GABRB3: variants seen among roughly 807,000 people sequenced by gnomAD.
The protein encoded by GABRB3 is gamma-aminobutyric acid receptor subunit beta-3.
A neutral mutation model predicts 52.1 loss-of-function variants in GABRB3; 14 were observed. That is an observed-to-expected ratio of 0.27 (90% confidence interval 0.18 to 0.42). GABRB3 has a LOEUF of 0.42. Ranked by LOEUF, GABRB3 falls within the 10% of genes least tolerant of loss-of-function variation. GABRB3 has a pLI of 1.00. For synonymous variants in GABRB3, 260 were observed against 232.3 expected, an observed-to-expected ratio of 1.12 and a Z score of -1.08; for missense variants, 307 against 609.1, an observed-to-expected ratio of 0.50 and a Z score of 5.22.
intron 7 of GABRB3, 129 bp from the exon 8 acceptor site, chr15:26,561,305 C>G: frequency 7.7e-7 from 1 of 1,294,180 alleles, no homozygotes; most frequent in South Asian, 1.2e-5. Flanking sequence ...TGTGGGGTGA[C>G]TGGAATGCAA....
At chr15:26,759,165 T>A (rs2140180980) in intron 3 of GABRB3, among the ~76,000 whole-genome samples, 1 of 152,316 alleles carries the variant, frequency 6.6e-6, no homozygotes, top group Non-Finnish European at 1.5e-5. Flanking sequence ...AGTCTTCATC[T>A]CTACACCTGC....
intron 3 of GABRB3, among the ~76,000 whole-genome samples, chr15:26,736,719 G>C (rs117304288): frequency 0.02 from 2,980 of 152,336 alleles, 42 homozygotes; most frequent in Middle Eastern, 0.078. Context: ...GAATTCGCTA[G>C]AATGTGTTCC....
intron 3 of GABRB3, among the ~76,000 whole-genome samples, chr15:26,744,320 CT>C (rs1316336929): frequency 6.6e-6 from 1 of 152,088 alleles, no homozygotes; most frequent in Non-Finnish European, 1.5e-5. Context: ...ACTCCCATGC[CT>C]TTTGGTTTTG....
chr15:26,735,695 C>A (rs1413013195), intron 3 of GABRB3, among the ~76,000 whole-genome samples: 1 of 152,112 alleles, frequency 6.6e-6, no homozygotes, highest in Non-Finnish European at 1.5e-5. Context: ...ATGTCTGTAA[C>A]CCCAGCACTT....
chr15:26,742,213 G>A (rs983755031), intron 3 of GABRB3, among the ~76,000 whole-genome samples: 2 of 152,030 alleles, frequency 1.3e-5, no homozygotes, highest in African/African-American at 2.4e-5. Flanking sequence ...ATCTCTTAGA[G>A]TTTGCCTCTT....
intron 3 of GABRB3, among the ~76,000 whole-genome samples, chr15:26,696,986 T>A (rs1315388834): frequency 6.6e-6 from 1 of 152,200 alleles, no homozygotes; most frequent in African/African-American, 2.4e-5. Context: ...TTTAGGGAAT[T>A]TTTTTAAAAG....
intron 8 of GABRB3, among the ~76,000 whole-genome samples, chr15:26,548,496 A>T (rs940218902): frequency 6.6e-6 from 1 of 152,176 alleles, no homozygotes; most frequent in Admixed American, 6.5e-5. Flanking sequence ...CTATACTTTG[A>T]ATAAAAACTA....
At chr15:26,628,911 G>A (rs1211693095) in intron 3 of GABRB3, 1 of 1,445,558 alleles carries the variant, frequency 6.9e-7, no homozygotes, top group African/African-American at 1.4e-5. Flanking sequence ...GGAGGTGTGG[G>A]GGAGTCAGGT....
At chr15:26,560,819 G>T in intron 8 of GABRB3, 113 bp downstream of exon 8, 2 of 1,448,120 alleles carry the variant, frequency 1.4e-6, no homozygotes, top group Non-Finnish European at 1.9e-6. Flanking sequence ...TACAAGAAGG[G>T]TGTGTGGCTT....
chr15:26,619,956 T>A (rs917861896), intron 4 of GABRB3, among the ~76,000 whole-genome samples: 1 of 131,622 alleles, frequency 7.6e-6, no homozygotes, highest in African/African-American at 3.0e-5. Context: ...CACCCAAAAC[T>A]CAACACACAC....
At chr15:26,589,666 C>G (rs931735199) in intron 4 of GABRB3, among the ~76,000 whole-genome samples, 4 of 152,088 alleles carry the variant, frequency 2.6e-5, no homozygotes, top group Non-Finnish European at 4.4e-5. Context: ...ACCTACAAAT[C>G]AGAATGTCCA....
intron 3 of GABRB3, among the ~76,000 whole-genome samples, chr15:26,672,247 G>A (rs1464901344): frequency 6.6e-6 from 1 of 152,044 alleles, no homozygotes; most frequent in Non-Finnish European, 1.5e-5. Context: ...CCCAGAAAAG[G>A]GACCCTTCAA....
At chr15:26,748,350 A>T (rs78197431) in intron 3 of GABRB3, among the ~76,000 whole-genome samples, 1,920 of 152,200 alleles carry the variant, frequency 0.013, 50 homozygotes, top group African/African-American at 0.042. Context: ...GGGCCCAGAG[A>T]TTTCTTTTTT....
At chr15:26,694,456 G>C (rs2140669214) in intron 3 of GABRB3, among the ~76,000 whole-genome samples, 1 of 152,304 alleles carries the variant, frequency 6.6e-6, no homozygotes, top group Non-Finnish European at 1.5e-5. Flanking sequence ...TTCTATTTAA[G>C]AAGGAACGTC....
intron 3 of GABRB3, among the ~76,000 whole-genome samples, chr15:26,631,761 T>A (rs1892919285): frequency 6.6e-6 from 1 of 152,192 alleles, no homozygotes; most frequent in Non-Finnish European, 1.5e-5. Context: ...ATATCTAACA[T>A]CACAACCAAC....
intron 3 of GABRB3, chr15:26,657,281 G>T (rs1270557084): frequency 6.6e-6 from 1 of 152,230 alleles, no homozygotes; most frequent in Non-Finnish European, 1.5e-5. Flanking sequence ...AATGGTGAGT[G>T]GCTTCTCGTC....
chr15:26,566,696 C>T (rs961255382), intron 7 of GABRB3, among the ~76,000 whole-genome samples: 2 of 152,042 alleles, frequency 1.3e-5, no homozygotes, highest in African/African-American at 4.8e-5. Flanking sequence ...TATGCCACTG[C>T]ACTCCAGCTT....
At chr15:26,703,302 G>A (rs764282211) in intron 3 of GABRB3, among the ~76,000 whole-genome samples, 1 of 152,142 alleles carries the variant, frequency 6.6e-6, no homozygotes, top group African/African-American at 2.4e-5. Flanking sequence ...AGGCAGAAAG[G>A]CAACAGAAAA....
intron 8 of GABRB3, chr15:26,553,253 C>A (rs2140657493): frequency 6.6e-6 from 1 of 152,366 alleles, no homozygotes; most frequent in Middle Eastern, 3.4e-3. Flanking sequence ...CAGGTTCACA[C>A]CATTCTCCCG....
Sources: allele counts gnomAD v4.1 joint callset (sites outside exome capture counted in the v4.1 genomes callset), GRCh38; gene constraint gnomAD v4.1.1; transcripts MANE v1.5; gene names NCBI Gene and HGNC (gene_info 2026-07-23, HGNC 2026-07-21).